IPO8: variants seen among roughly 807,000 people sequenced by gnomAD.
IPO8 encodes importin 8.
A neutral mutation model predicts 141.2 loss-of-function variants in IPO8; 65 were observed. That is an observed-to-expected ratio of 0.46 (90% CI 0.38 to 0.57). IPO8 has a LOEUF of 0.57. Among genes scored for constraint, IPO8 ranks in the 20% least tolerant of loss-of-function variants. The pLI, the probability that IPO8 is intolerant of heterozygous loss-of-function variation, is 0.00. For synonymous variants in IPO8, 411 were observed against 420.3 expected (o/e 0.98, Z 0.27); for missense variants, 980 against 1,246.8 (o/e 0.79, Z 3.22).
intron 19 of IPO8, among the ~76,000 whole-genome samples, chr12:30,651,963 CAAAAAGT>C (rs1357392175): frequency 2.0e-5 from 3 of 151,738 alleles, no homozygotes; most frequent in Non-Finnish European, 4.4e-5. Context: ...AAAGAAAAAA[CAAAAAGT>C]AAAAAGTACA....
chr12:30,652,247 T>C lies in IPO8; in HGVS notation c.2117A>G (p.Asp706Gly), dbSNP rs1220269586. 1 of 1,605,792 alleles carries C rather than the reference T, an allele frequency of 6.2e-7. No individual in the cohort carries two copies. Among genetic ancestry groups the C allele is most frequent in the East Asian group, 2.2e-5 (1 of 44,740 alleles). ...LLHNYVTIDT[D>G]TLLSNAKHLE... is the part of the protein sequence containing the mutation. ...ATGTTTTGCATTTGATAGTAAGGTA[T>C]CTGTATCTATTGTCACATAATTATG... is the stretch of plus-strand genomic sequence containing the variant. Residue 706 changes from aspartate to glycine, a missense_variant, in exon 19 of 25, where the codon GAT becomes GGT. By Grantham distance (94) the Asp-to-Gly change is moderately conservative. Coordinates refer to ENST00000256079, the MANE Select transcript of IPO8 (RefSeq NM_006390.4).
chr12:30,666,243 C>G lies in IPO8; in HGVS notation c.1153G>C (p.Glu385Gln). ...EYIRMKFDIFEDYASPTTAAQ... is the reference protein window; with the variant it reads ...EYIRMKFDIFQDYASPTTAAQ... ...GCTGTGGTGGGAGAAGCATAATCTTCAAAAATATCTAAGATTTTAAAAGGT... is the reference window on the plus strand; with the variant it reads ...GCTGTGGTGGGAGAAGCATAATCTTGAAAAATATCTAAGATTTTAAAAGGT... The change falls in exon 11 of 25, where the codon GAA (glutamate) becomes CAA (glutamine). Residue 385 changes from glutamate (E) to glutamine (Q), a missense_variant. By Grantham distance (29) the Glu-to-Gln change is conservative (BLOSUM62 2). Transcript: ENST00000256079. 1 of 1,576,344 alleles carries G rather than the reference C, an allele frequency of 6.3e-7. No homozygotes were observed. The highest frequency in any genetic ancestry group is 8.7e-7 in the Non-Finnish European group (1 of 1,155,422).
chr12:30,652,887 ATG>A (rs1378696846), intron 18 of IPO8, 78 bp downstream of exon 18: 1 of 1,217,092 alleles, frequency 8.2e-7, no homozygotes, highest in African/African-American at 1.5e-5. Context: ...TTGGAATCAT[ATG>A]TGTTTTTATT....
At chr12:30,661,291 C>G (rs2052883438) in intron 15 of IPO8, 25 bp from the exon 16 acceptor site, 44 of 1,564,056 alleles carry the variant, frequency 2.8e-5, no homozygotes, top group Non-Finnish European at 3.8e-5. Context: ...TTAAAGTATT[C>G]CGCAATTAGT....
intron 8 of IPO8, among the ~76,000 whole-genome samples, chr12:30,671,325 A>T (rs1009258751): frequency 6.6e-6 from 1 of 152,144 alleles, no homozygotes; most frequent in African/African-American, 2.4e-5. Flanking sequence ...CAAAGTCTAA[A>T]TTTCTATTCC....
intron 17 of IPO8, among the ~76,000 whole-genome samples, chr12:30,656,046 T>C (rs758202358): frequency 2.0e-5 from 3 of 152,164 alleles, no homozygotes; most frequent in Admixed American, 6.5e-5. Context: ...GGACAATTAA[T>C]TCATACTTTG....
chr12:30,675,968 T>G (rs2053115745), intron 6 of IPO8, among the ~76,000 whole-genome samples: 1 of 152,206 alleles, frequency 6.6e-6, no homozygotes, highest in Non-Finnish European at 1.5e-5. Flanking sequence ...TTTTTTTCTT[T>G]TTTGAGATAG....
intron 14 of IPO8, among the ~76,000 whole-genome samples, chr12:30,662,714 C>G (rs539143210): frequency 1.4e-4 from 21 of 152,166 alleles, no homozygotes; most frequent in African/African-American, 4.3e-4. Context: ...AGAGAACTGT[C>G]CTGTGCAGAA....
In IPO8 at chr12:30,636,976, C is replaced by T; in HGVS notation, c.2695+6G>A. 1.9e-6 allele frequency: 3 copies of T among 1,610,406 alleles called. No individual in the cohort carries two copies. Among genetic ancestry groups the T allele is most frequent in the Non-Finnish European group, 1.7e-6 (2 of 1,176,712 alleles). The stretch of plus-strand genomic sequence containing the variant: ...TGTAACATTAATTTCAATTAGAAGA[C>T]TTTACCATTTTCTTCCATATCAGCT... On this transcript the variant is annotated splice_donor_region_variant and intron_variant, in intron 22 of 24. Coordinates refer to ENST00000256079, the MANE Select transcript of IPO8 (RefSeq NM_006390.4).
In IPO8 at chr12:30,649,209, T is replaced by C; in HGVS notation, c.2196A>G (p.Glu732=). 6.2e-7 allele frequency: 1 copy of C among 1,613,002 alleles called. No homozygotes were observed. Among genetic ancestry groups the C allele is most frequent in the African/African-American group, 1.3e-5 (1 of 75,002 alleles). ...GTTTAGCTGCATGACACTCTGCATCTTCTCCTGCATCTCCACATAGTACCT... is the reference window on the plus strand; with the variant it reads ...GTTTAGCTGCATGACACTCTGCATCCTCTCCTGCATCTCCACATAGTACCT... ...CRKVLCGDAG[E]DAECHAAKLL... The change falls in exon 20 of 25, where the codon GAA becomes GAG. Residue 732 remains glutamate, a synonymous_variant. Transcript: ENST00000256079.
At chr12:30,684,573 G>T in intron 2 of IPO8, 116 bp from the exon 3 acceptor site, 1 of 960,828 alleles carries the variant, frequency 1.0e-6, no homozygotes. Context: ...CAGCAAAAAT[G>T]GATACTCTTA....
At chr12:30,685,143 CT>C (rs763211235) in intron 2 of IPO8, among the ~76,000 whole-genome samples, 365 of 141,940 alleles carry the variant, frequency 2.6e-3, no homozygotes, top group Non-Finnish European at 3.4e-3. Context: ...CTTTTCTTTT[CT>C]TTTTTTTTTT....
chr12:30,654,999 T>G (rs545378707), intron 17 of IPO8, among the ~76,000 whole-genome samples: 2 of 152,008 alleles, frequency 1.3e-5, no homozygotes, highest in Non-Finnish European at 2.9e-5. Context: ...TATATATACA[T>G]GATGGAGTAC....
At chr12:30,690,983 T>C (rs2053286226) in intron 1 of IPO8, among the ~76,000 whole-genome samples, 1 of 152,210 alleles carries the variant, frequency 6.6e-6, no homozygotes, top group African/African-American at 2.4e-5. Flanking sequence ...TCCTCTTTGT[T>C]GGCTGTTTTT....
intron 20 of IPO8, among the ~76,000 whole-genome samples, chr12:30,641,389 A>G (rs2052571847): frequency 6.6e-6 from 1 of 151,790 alleles, no homozygotes. Context: ...GGGTAGAGGG[A>G]TAGGGTGGAA....
chr12:30,652,146 A>C, intron 19 of IPO8, 46 bp downstream of exon 19: 1 of 1,093,810 alleles, frequency 9.1e-7, no homozygotes, highest in Non-Finnish European at 1.4e-6. Context: ...AAAACAGGCA[A>C]ACATTAGTTA....
At chr12:30,640,823 A>T (rs948069849) in intron 20 of IPO8, among the ~76,000 whole-genome samples, 2 of 152,196 alleles carry the variant, frequency 1.3e-5, no homozygotes, top group African/African-American at 4.8e-5. Context: ...GTTAACAGTA[A>T]TACATAGTTT....
At chr12:30,633,217 C>A (rs2052457671) in intron 23 of IPO8, among the ~76,000 whole-genome samples, 1 of 152,040 alleles carries the variant, frequency 6.6e-6, no homozygotes, top group Admixed American at 6.6e-5. Context: ...TAAAAAATGC[C>A]AATATATTAA....
chr12:30,663,341 G>C, intron 14 of IPO8, 148 bp downstream of exon 14: 1 of 617,242 alleles, frequency 1.6e-6, no homozygotes, highest in Non-Finnish European at 2.7e-6. Context: ...CACCTAAAAA[G>C]GACAAGAATA....
Sources: allele counts gnomAD v4.1 joint callset (sites outside exome capture counted in the v4.1 genomes callset), GRCh38; gene constraint gnomAD v4.1.1; transcripts MANE v1.5; gene names NCBI Gene and HGNC (gene_info 2026-07-23, HGNC 2026-07-21).